The following ADAMTS19 variants were observed in gnomAD, a reference collection of about 807,000 sequenced individuals.
ADAMTS19 encodes A disintegrin and metalloproteinase with thrombospondin motifs 19.
ADAMTS19 carries 93 observed loss-of-function variants against 153.3 expected under a neutral mutation model. The ratio of observed to expected loss-of-function variants is 0.61; its 90% CI spans 0.51 to 0.72. The LOEUF is 0.72. Ranked by LOEUF, ADAMTS19 falls within the 30% of genes least tolerant of loss-of-function variation. ADAMTS19 has a pLI of 0.00. For missense variants in ADAMTS19, 1,482 were observed against 1,552.1 expected (o/e 0.95, Z 0.76); for synonymous variants, 600 against 556.6 (o/e 1.08, Z -1.10).
chr5:129,686,765 G>C (rs77307355), intron 18 of ADAMTS19, among the ~76,000 whole-genome samples: 6,741 of 152,164 alleles, frequency 0.044, 459 homozygotes, highest in African/African-American at 0.15. Context: ...AACATCAGGG[G>C]CAGAGGAATG....
At chr5:129,655,025 G>A (rs183071047) in intron 14 of ADAMTS19, among the ~76,000 whole-genome samples, 8 of 152,350 alleles carry the variant, frequency 5.3e-5, no homozygotes, top group African/African-American at 1.4e-4. Context: ...ATAGTGGAGA[G>A]ATCAAAGTGT....
rs569727202 is a variant in ADAMTS19, at chr5:129,563,633, T to C, written c.1372+11726T>C. On this transcript the variant is annotated intron_variant, in intron 7 of 22. Transcript: ENST00000274487. ...GAAGCCTGTGCCCACCTTCAATGGGTAAACTTTTATAAAAAATATTTTTTG... is the reference window on the plus strand; with the variant it reads ...GAAGCCTGTGCCCACCTTCAATGGGCAAACTTTTATAAAAAATATTTTTTG... 1.8e-4 allele frequency among the ~76,000 whole-genome samples: 28 copies of C among 152,342 alleles called. No homozygotes were observed. In the South Asian group the frequency reaches 5.8e-3, roughly 32 times the overall value.
chr5:129,704,390 A>G lies in ADAMTS19; in HGVS notation c.3311A>G (p.Lys1104Arg), dbSNP rs1249441084. The G allele has an allele frequency of 6.2e-7, 1 of 1,613,308 alleles. No homozygotes were observed. ...GTGTGGCGAATGGGTGACTGGTCTA[A>G]GGTGAGAACCATTCTGTATATTCTC... Reference protein sequence around the residue: ...CYVWRMGDWSKCSITCGKGMQ... With the variant: ...CYVWRMGDWSRCSITCGKGMQ... Residue 1104 changes from lysine (K) to arginine (R), a missense_variant and splice_region_variant, in exon 21 of 23, where the codon AAG (lysine) becomes AGG (arginine). This residue lies in a region of ADAMTS19 where 616 missense variants were observed against 724.4 expected (regional missense o/e 0.85). Coordinates refer to ENST00000274487, the MANE Select transcript of ADAMTS19 (RefSeq NM_133638.6).
At chr5:129,569,602 T>A (rs976443454) in intron 7 of ADAMTS19, among the ~76,000 whole-genome samples, 1 of 152,120 alleles carries the variant, frequency 6.6e-6, no homozygotes, top group Non-Finnish European at 1.5e-5. Flanking sequence ...TTTAAAGGAA[T>A]TTAAATCAAA....
chr5:129,697,384 T>C (rs565565261), intron 19 of ADAMTS19, among the ~76,000 whole-genome samples: 18 of 152,308 alleles, frequency 1.2e-4, no homozygotes, highest in Admixed American at 9.8e-4. Context: ...TTTTGGTTTA[T>C]AGTAGTAGAA....
At chr5:129,637,392 GTT>G (rs1752578208) in intron 10 of ADAMTS19, among the ~76,000 whole-genome samples, 1 of 152,122 alleles carries the variant, frequency 6.6e-6, no homozygotes, top group South Asian at 2.1e-4. Context: ...GTTGAAATTT[GTT>G]TAGCATACTC....
chr5:129,678,280 A>G (rs1345131793), intron 16 of ADAMTS19, among the ~76,000 whole-genome samples: 4 of 152,134 alleles, frequency 2.6e-5, no homozygotes, highest in Non-Finnish European at 5.9e-5. Flanking sequence ...CTTTCCATGT[A>G]TGGCTCCCTT....
chr5:129,609,274 A>G (rs990234530), intron 8 of ADAMTS19, among the ~76,000 whole-genome samples: 7 of 152,176 alleles, frequency 4.6e-5, no homozygotes, highest in African/African-American at 1.7e-4. Flanking sequence ...GGATAAATCA[A>G]TCTGTCTGTA....
chr5:129,614,079 G>T (rs1358765223), intron 8 of ADAMTS19, among the ~76,000 whole-genome samples: 1 of 152,054 alleles, frequency 6.6e-6, no homozygotes, highest in Non-Finnish European at 1.5e-5. Context: ...AAGACCAGAC[G>T]GATTCACAGC....
intron 13 of ADAMTS19, among the ~76,000 whole-genome samples, chr5:129,649,998 C>A (rs895216531): frequency 6.6e-6 from 1 of 151,930 alleles, no homozygotes; most frequent in African/African-American, 2.4e-5. Context: ...GGCAAGATGG[C>A]AAAACCCTGT....
At chr5:129,543,612 A>C (rs1014887254) in intron 6 of ADAMTS19, among the ~76,000 whole-genome samples, 1 of 152,160 alleles carries the variant, frequency 6.6e-6, no homozygotes, top group Non-Finnish European at 1.5e-5. Flanking sequence ...CTCTGGATGC[A>C]TTATAAAGGC....
intron 10 of ADAMTS19, among the ~76,000 whole-genome samples, chr5:129,639,529 T>C (rs1247488721): frequency 6.6e-6 from 1 of 152,180 alleles, no homozygotes; most frequent in African/African-American, 2.4e-5. Context: ...TTTGCTTGTA[T>C]GCTCTGAGTG....
At chr5:129,552,800 A>G (rs912178363) in intron 7 of ADAMTS19, among the ~76,000 whole-genome samples, 3 of 151,902 alleles carry the variant, frequency 2.0e-5, no homozygotes, top group Non-Finnish European at 4.4e-5. Flanking sequence ...TTTTTCATCA[A>G]CCTCCTCATA....
At chr5:129,700,567 A>G (rs1004050486) in intron 19 of ADAMTS19, among the ~76,000 whole-genome samples, 1 of 152,132 alleles carries the variant, frequency 6.6e-6, no homozygotes, top group Non-Finnish European at 1.5e-5. Flanking sequence ...TGGTGCCACA[A>G]TTTTGTGACC....
In ADAMTS19 at chr5:129,461,598, C is replaced by T. The variant is rs1229543075; in HGVS notation, c.588C>T (p.Arg196=). 1.3e-6 allele frequency: 2 copies of T among 1,587,512 alleles called. No homozygotes were observed. Among genetic ancestry groups the T allele is most frequent in the Non-Finnish European group, 1.7e-6 (2 of 1,174,022 alleles). ...GAGACGGCCGCTTCCTGGCGCCGCG[C>T]TTCGCAGTGGAACAGCGGCCAAATC... is the stretch of plus-strand genomic sequence containing the variant. ...LRRDGRFLAP[R]FAVEQRPNPG... The change falls in exon 2 of 23, where the codon CGC becomes CGT. Residue 196 remains arginine (R), a synonymous_variant. Transcript: ENST00000274487. The surrounding 1 kb of genome is among the most constrained non-coding windows in gnomAD (Gnocchi z 4.6).
intron 6 of ADAMTS19, among the ~76,000 whole-genome samples, chr5:129,540,955 G>A (rs981991674): frequency 6.6e-6 from 1 of 151,958 alleles, no homozygotes; most frequent in Non-Finnish European, 1.5e-5. Flanking sequence ...ATGATCAAAG[G>A]TCTAGTCAGC....
intron 10 of ADAMTS19, among the ~76,000 whole-genome samples, chr5:129,630,020 T>C (rs1412125450): frequency 6.6e-6 from 1 of 152,084 alleles, no homozygotes. Flanking sequence ...GAATTGCATA[T>C]GTATTAAATG....
chr5:129,510,600 G>A (rs923642783), intron 3 of ADAMTS19, among the ~76,000 whole-genome samples: 10 of 151,706 alleles, frequency 6.6e-5, no homozygotes, highest in East Asian at 1.9e-4. Flanking sequence ...TGATAAAAAC[G>A]ACAGCTATAG....
At chr5:129,729,730 C>CA (rs1757356972) in intron 21 of ADAMTS19, among the ~76,000 whole-genome samples, 1 of 151,972 alleles carries the variant, frequency 6.6e-6, no homozygotes. Flanking sequence ...GCTATTCAGC[C>CA]ATTATCTGCT....
Sources: allele counts gnomAD v4.1 joint callset (sites outside exome capture counted in the v4.1 genomes callset), GRCh38; gene constraint gnomAD v4.1.1; regional missense constraint gnomAD v4.1.1; non-coding constraint Gnocchi (gnomAD v3.1); transcripts MANE v1.5; gene names NCBI Gene and HGNC (gene_info 2026-07-23, HGNC 2026-07-21).